The following DNAJC8 variants were observed in gnomAD, a reference collection of about 807,000 sequenced individuals.
DNAJC8 encodes dnaJ homolog subfamily C member 8.
In DNAJC8, 24 loss-of-function variants were observed where a neutral mutation model predicts 43.2. The ratio of observed to expected loss-of-function variants is 0.56; its 90% CI spans 0.40 to 0.78. The LOEUF is 0.78. Among genes scored for constraint, DNAJC8 ranks in the 30% least tolerant of loss-of-function variants. DNAJC8 has a pLI of 0.00. For synonymous variants in DNAJC8, 83 were observed against 98.0 expected (o/e 0.85, Z 0.90); for missense variants, 207 against 299.4 (o/e 0.69, Z 2.28).
chr1:28,221,347 G>GA (rs1353168096), intron 2 of DNAJC8, among the ~76,000 whole-genome samples: 1 of 151,684 alleles, frequency 6.6e-6, no homozygotes, highest in Non-Finnish European at 1.5e-5. Context: ...CTCAAAAAGG[G>GA]AAAAAGAGAA....
chr1:28,216,780 G>C (rs890022314), intron 2 of DNAJC8, among the ~76,000 whole-genome samples: 15 of 151,592 alleles, frequency 9.9e-5, no homozygotes, highest in African/African-American at 3.6e-4. Context: ...TTTTATTACA[G>C]GCTTTTTTTG....
rs565024721 is a variant in DNAJC8, at chr1:28,220,517, G to A, written c.181-5521C>T. ...CTGGGAAGTTCAAGGTTGAGTGGCCGTCATCAGGTAAGGGCAAGAGGGGGC... is the reference window on the plus strand; with the variant it reads ...CTGGGAAGTTCAAGGTTGAGTGGCCATCATCAGGTAAGGGCAAGAGGGGGC... On this transcript the variant is annotated intron_variant, in intron 2 of 8. Coordinates refer to ENST00000263697, the MANE Select transcript of DNAJC8 (RefSeq NM_014280.3). Among the ~76,000 whole-genome samples, 8 of 152,280 alleles carry A rather than the reference G, an allele frequency of 5.3e-5. No individual in the cohort carries two copies. In the East Asian group the frequency reaches 7.7e-4, roughly 15 times the overall value.
intron 2 of DNAJC8, among the ~76,000 whole-genome samples, chr1:28,221,090 A>G (rs1162101316): frequency 6.6e-6 from 1 of 152,030 alleles, no homozygotes; most frequent in Admixed American, 6.6e-5. Flanking sequence ...CTGTAATCCC[A>G]GCACTTTGGG....
chr1:28,217,430 G>A (rs937700759), intron 2 of DNAJC8, among the ~76,000 whole-genome samples: 1 of 152,028 alleles, frequency 6.6e-6, no homozygotes, highest in South Asian at 2.1e-4. Context: ...AGACAGGCCT[G>A]GCCAACATGG....
chr1:28,219,635 A>G (rs1646885310), intron 2 of DNAJC8, among the ~76,000 whole-genome samples: 1 of 152,186 alleles, frequency 6.6e-6, no homozygotes, highest in African/African-American at 2.4e-5. Context: ...AAAGTTTCTT[A>G]AGCTCTAGTT....
chr1:28,215,147 C>G (rs1402851872), intron 2 of DNAJC8, 151 bp from the exon 3 acceptor site: 1 of 523,082 alleles, frequency 1.9e-6, no homozygotes, highest in East Asian at 3.0e-5. Context: ...CTAGAAATTG[C>G]TAAAGAAATA....
At chr1:28,205,743 C>T (rs981641539) in intron 6 of DNAJC8, among the ~76,000 whole-genome samples, 24 of 152,082 alleles carry the variant, frequency 1.6e-4, no homozygotes, top group African/African-American at 5.8e-4. Flanking sequence ...CAAAAATTAG[C>T]CAAGCATGTT....
At chr1:28,225,546 G>A (rs936291723) in intron 2 of DNAJC8, among the ~76,000 whole-genome samples, 23 of 151,102 alleles carry the variant, frequency 1.5e-4, no homozygotes, top group African/African-American at 5.6e-4. Flanking sequence ...AGGTTACCAG[G>A]GGTCAGGGAG....
Position 28,208,390 on chromosome 1 carries a change from T to C in DNAJC8, c.423A>G (p.Leu141=). Residue 141 remains leucine (L), a synonymous_variant, in exon 6 of 9, where the codon TTA becomes TTG. Coordinates refer to ENST00000263697, the MANE Select transcript of DNAJC8 (RefSeq NM_014280.3). ...CAATTGTAGGTTTTCCTTCCTTCTTTAATTGTTTTTTTCGCTCTTTCACCT... is the reference window on the plus strand; with the variant it reads ...CAATTGTAGGTTTTCCTTCCTTCTTCAATTGTTTTTTTCGCTCTTTCACCT... ...EHTVKERKKQ[L]KKEGKPTIVE... The C allele has an allele frequency of 6.2e-7, 1 of 1,613,110 alleles. No individual in the cohort carries two copies. The highest frequency in any genetic ancestry group is 2.2e-5 in the East Asian group (1 of 44,852).
chr1:28,229,746 C>T (rs1646961079), intron 1 of DNAJC8, among the ~76,000 whole-genome samples: 1 of 150,922 alleles, frequency 6.6e-6, no homozygotes, highest in Admixed American at 6.6e-5. Flanking sequence ...TGGACTCCAG[C>T]CTGGGAGACA....
At chr1:28,232,227 C>A (rs949116576) in intron 1 of DNAJC8, among the ~76,000 whole-genome samples, 1 of 152,146 alleles carries the variant, frequency 6.6e-6, no homozygotes, top group Non-Finnish European at 1.5e-5. Flanking sequence ...CCACTGTGCC[C>A]AGCCCCTTGC....
intron 2 of DNAJC8, among the ~76,000 whole-genome samples, chr1:28,221,029 T>C (rs1646894539): frequency 6.6e-6 from 1 of 151,730 alleles, no homozygotes; most frequent in Non-Finnish European, 1.5e-5. Context: ...CCATCTCCTT[T>C]AGGATCTTCT....
chr1:28,205,442 A>G, intron 6 of DNAJC8, 93 bp from the exon 7 acceptor site: 1 of 929,568 alleles, frequency 1.1e-6, no homozygotes, highest in Non-Finnish European at 1.7e-6. Flanking sequence ...AAGATAAAGC[A>G]GATTAAAACC....
At chr1:28,228,804 C>T in intron 2 of DNAJC8, 118 bp downstream of exon 2, 1 of 817,376 alleles carries the variant, frequency 1.2e-6, no homozygotes, top group Non-Finnish European at 2.0e-6. Flanking sequence ...CACTTTACTC[C>T]ACCATTTTTC....
chr1:28,215,001 A>G lies in DNAJC8; in HGVS notation c.181-5T>C. ...TTCAGGATCTATCTGAAGAACCTGG[A>G]AGTATCAAAATCAAAACCATAAAAA... On this transcript the variant is annotated splice_polypyrimidine_tract_variant and splice_region_variant and intron_variant, in intron 2 of 8. Coordinates refer to ENST00000263697, the MANE Select transcript of DNAJC8 (RefSeq NM_014280.3). The G allele has an allele frequency of 6.2e-7, 1 of 1,601,288 alleles. No homozygotes were observed. The highest frequency in any genetic ancestry group is 8.5e-7 in the Non-Finnish European group (1 of 1,175,056).
chr1:28,225,334 T>C (rs1195122328), intron 2 of DNAJC8, among the ~76,000 whole-genome samples: 2 of 151,504 alleles, frequency 1.3e-5, no homozygotes, highest in African/African-American at 4.9e-5. Context: ...AGTCTTCATA[T>C]TGTATTTGAA....
chr1:28,210,775 C>T, intron 3 of DNAJC8, 138 bp from the exon 4 acceptor site: 1 of 598,166 alleles, frequency 1.7e-6, no homozygotes, highest in Admixed American at 3.0e-5. Context: ...AAAAAATTAA[C>T]AAATCTCTTT....
At chr1:28,208,504 T>C (rs1347028575) in intron 5 of DNAJC8, 91 bp from the exon 6 acceptor site, 2 of 714,572 alleles carry the variant, frequency 2.8e-6, no homozygotes, top group Non-Finnish European at 4.2e-6. Flanking sequence ...TAACTTTCTA[T>C]AGGCACGGGT....
chr1:28,229,098 TG>T, intron 1 of DNAJC8, 75 bp from the exon 2 acceptor site: 1 of 1,227,506 alleles, frequency 8.1e-7, no homozygotes, highest in East Asian at 2.4e-5. Flanking sequence ...AAATGTTCAC[TG>T]ATATGTTCAA....
Sources: allele counts gnomAD v4.1 joint callset (sites outside exome capture counted in the v4.1 genomes callset), GRCh38; gene constraint gnomAD v4.1.1; transcripts MANE v1.5; gene names NCBI Gene and HGNC (gene_info 2026-07-23, HGNC 2026-07-21).